RTF2: variants seen among roughly 807,000 people sequenced by gnomAD.
RTF2 encodes UPF0549 protein C20orf43.
A neutral mutation model predicts 38.0 loss-of-function variants in RTF2; 18 were observed. The ratio of observed to expected loss-of-function variants is 0.47; its 90% confidence interval spans 0.33 to 0.70. The LOEUF is 0.70. RTF2 is among the 30% of genes least tolerant of loss of function. RTF2 has a pLI of 0.02. For synonymous variants in RTF2, 126 were observed against 137.1 expected, an observed-to-expected ratio of 0.92 and a Z score of 0.57; for missense variants, 311 against 379.6, an observed-to-expected ratio of 0.82 and a Z score of 1.50.
At chr20:56,480,229 C>T (rs979047592) in intron 4 of RTF2, among the ~76,000 whole-genome samples, 4 of 152,232 alleles carry the variant, frequency 2.6e-5, no homozygotes, top group Admixed American at 6.5e-5. Context: ...TCCATCAGCA[C>T]TTGCTGCTTC....
At chr20:56,490,097 G>A (rs1326325451) in intron 5 of RTF2, among the ~76,000 whole-genome samples, 3 of 152,204 alleles carry the variant, frequency 2.0e-5, no homozygotes, top group African/African-American at 7.2e-5. Context: ...TGTTTGATTT[G>A]TGGGATCTGT....
At chr20:56,512,796 G>A (rs1984763448) in intron 5 of RTF2, among the ~76,000 whole-genome samples, 2 of 152,160 alleles carry the variant, frequency 1.3e-5, no homozygotes, top group African/African-American at 2.4e-5. Context: ...TTCCTTACGC[G>A]CACTCCCTCC....
chr20:56,486,775 A>G (rs980194852), intron 5 of RTF2, among the ~76,000 whole-genome samples: 4 of 152,220 alleles, frequency 2.6e-5, no homozygotes, highest in Non-Finnish European at 5.9e-5. Context: ...TGAAGTTTGC[A>G]AAACACTGTT....
chr20:56,484,086 T>TATACAGAAA (rs1356470515), intron 4 of RTF2, 25 bp from the exon 5 acceptor site: 1 of 1,605,236 alleles, frequency 6.2e-7, no homozygotes, highest in Non-Finnish European at 8.5e-7. Flanking sequence ...AATACAGTCC[T>TATACAGAAA]TCCCCCACTG....
intron 3 of RTF2, among the ~76,000 whole-genome samples, chr20:56,476,784 C>A (rs1320691926): frequency 6.6e-6 from 1 of 152,138 alleles, no homozygotes. Flanking sequence ...CAGGCATGAG[C>A]CACCACACCC....
At chr20:56,473,478 A>C in intron 2 of RTF2, 83 bp downstream of exon 2, 1 of 1,008,544 alleles carries the variant, frequency 9.9e-7, no homozygotes. Context: ...TCCATTCATC[A>C]AGCGTGGATT....
At chr20:56,500,488 T>C (rs1278467943) in intron 5 of RTF2, among the ~76,000 whole-genome samples, 1 of 152,240 alleles carries the variant, frequency 6.6e-6, no homozygotes, top group East Asian at 1.9e-4. Flanking sequence ...TTGGGTATTT[T>C]CAGTAGTTTA....
At chr20:56,508,366 ATGTCTGTTAT>A (rs1251013471) in intron 5 of RTF2, among the ~76,000 whole-genome samples, 1 of 152,172 alleles carries the variant, frequency 6.6e-6, no homozygotes. Context: ...CGGGCATAGT[ATGTCTGTTAT>A]TGCTCTGGGC....
intron 5 of RTF2, among the ~76,000 whole-genome samples, 169 bp from the exon 6 acceptor site, chr20:56,513,146 C>T (rs1366163503): frequency 6.6e-6 from 1 of 152,228 alleles, no homozygotes; most frequent in East Asian, 1.9e-4. Context: ...TACGCTGACA[C>T]TTTGCTGTGT....
intron 2 of RTF2, among the ~76,000 whole-genome samples, chr20:56,473,691 C>G (rs1406308018): frequency 6.6e-6 from 1 of 152,106 alleles, no homozygotes; most frequent in Non-Finnish European, 1.5e-5. Context: ...CAAGACCAGT[C>G]TGGGCAATGT....
intron 5 of RTF2, among the ~76,000 whole-genome samples, chr20:56,501,355 CATG>C (rs746514159): frequency 7.9e-5 from 12 of 152,130 alleles, no homozygotes; most frequent in Non-Finnish European, 1.8e-4. Flanking sequence ...AGTTACTAAA[CATG>C]AGATTTTCTG....
intron 4 of RTF2, among the ~76,000 whole-genome samples, chr20:56,480,518 T>C (rs976934891): frequency 6.6e-5 from 10 of 152,218 alleles, no homozygotes; most frequent in African/African-American, 2.2e-4. Context: ...CACTTTTAAT[T>C]TCCTTCAAGA....
chr20:56,475,351 TGG>T lies in RTF2; in HGVS notation c.258+581_258+582del, dbSNP rs1224692142. ...TGTAAATGACTCACTTGAGGCCCCA[TGG>T]CTAGCGAAGTACTTAAACCAGAACC... On this transcript the variant is annotated intron_variant, in intron 3 of 8. Coordinates refer to ENST00000357348, the MANE Select transcript of RTF2 (RefSeq NM_016407.5). 3.1e-4 allele frequency among the ~76,000 whole-genome samples: 47 copies of T among 152,196 alleles called. 1 individual carries two copies. The highest frequency in any genetic ancestry group is 7.2e-4 in the Admixed American group (11 of 15,282).
At chr20:56,489,920 G>A (rs1192408862) in intron 5 of RTF2, among the ~76,000 whole-genome samples, 2 of 152,234 alleles carry the variant, frequency 1.3e-5, no homozygotes, top group African/African-American at 4.8e-5. Flanking sequence ...TGGGGGCGCC[G>A]TGTTTGCCTG....
intron 5 of RTF2, among the ~76,000 whole-genome samples, chr20:56,512,819 T>C (rs1467460): frequency 0.99 from 150,603 of 152,268 alleles, 74,481 homozygotes; most frequent in Middle Eastern, 1. Flanking sequence ...CAAGGGGTTG[T>C]ACGAAGTGAA....
At chr20:56,515,084 G>A (rs1242096736) in intron 6 of RTF2, among the ~76,000 whole-genome samples, 1 of 150,992 alleles carries the variant, frequency 6.6e-6, no homozygotes, top group African/African-American at 2.4e-5. Context: ...TGTTCAGGTT[G>A]AAAAGTAAAT....
chr20:56,484,245 G>T, intron 5 of RTF2, 56 bp downstream of exon 5: 1 of 1,376,754 alleles, frequency 7.3e-7, no homozygotes, highest in Non-Finnish European at 1.0e-6. Context: ...AAATCAGATG[G>T]TTTAGGGTCC....
intron 5 of RTF2, among the ~76,000 whole-genome samples, chr20:56,512,421 A>G (rs528382998): frequency 6.6e-6 from 1 of 152,290 alleles, no homozygotes; most frequent in African/African-American, 2.4e-5. Context: ...GATTAGTGCC[A>G]TGGAGCCAAC....
rs972481013 is a variant in RTF2 at position 56,518,384 on chromosome 20, G to C, written c.*119G>C. 2 of 1,054,266 alleles carry C rather than the reference G, an allele frequency of 1.9e-6. No individual in the cohort carries two copies. The highest frequency in any genetic ancestry group is 2.7e-6 in the Non-Finnish European group (2 of 742,464). The allele number at this position is 1,054,266 out of a possible 1,614,324, so 65.3% of individuals were successfully genotyped here. ...CTCTATAGTTCTGTGTCATAAAGCT[G>C]TCCTGGCCAGCCTTCAAGCTGGTGT... is the stretch of plus-strand genomic sequence containing the variant. On this transcript the variant is annotated 3_prime_UTR_variant, in exon 9 of 9. Coordinates refer to ENST00000357348, the MANE Select transcript of RTF2 (RefSeq NM_016407.5).
Sources: gnomAD v4.1 joint callset for allele counts (sites outside exome capture counted in the v4.1 genomes callset) on GRCh38, gnomAD v4.1.1 for gene constraint, MANE v1.5 for transcripts, NCBI Gene and HGNC (gene_info 2026-07-23, HGNC 2026-07-21) for gene names.